The following EPB41L5 variants were observed in gnomAD, a reference collection of about 807,000 sequenced individuals.
EPB41L5 encodes band 4.1-like protein 5.
In EPB41L5, 55 loss-of-function variants were observed where a neutral mutation model predicts 106.6. That is an observed-to-expected ratio of 0.52 (90% CI 0.42 to 0.65). EPB41L5 has a LOEUF of 0.65. EPB41L5 is among the 30% of genes least tolerant of loss of function. The pLI is 0.00. For missense variants in EPB41L5, 871 were observed against 882.1 expected, an observed-to-expected ratio of 0.99 and a Z score of 0.16; for synonymous variants, 297 against 306.7, an observed-to-expected ratio of 0.97 and a Z score of 0.33.
intron 3 of EPB41L5, among the ~76,000 whole-genome samples, chr2:120,048,806 T>TA (rs1680010013): frequency 6.6e-6 from 1 of 152,214 alleles, no homozygotes; most frequent in Non-Finnish European, 1.5e-5. Context: ...TAAATTTTCC[T>TA]CTACTTTATA....
intron 5 of EPB41L5, 85 bp downstream of exon 5, chr2:120,074,263 C>CT: frequency 1.0e-6 from 1 of 995,120 alleles, no homozygotes. Flanking sequence ...TTATAGCCAG[C>CT]TAATAAAATG....
Position 120,088,024 on chromosome 2 carries a change from A to G in EPB41L5, c.873+784A>G, listed in dbSNP as rs1340588975. Among the ~76,000 whole-genome samples the G allele has an allele frequency of 3.3e-5, 5 of 152,100 alleles. 1 individual carries two copies. Among genetic ancestry groups the G allele is most frequent in the Middle Eastern group, 6.3e-3 (2 of 316 alleles). Reference sequence around the variant, plus strand: ...AGAAGAATTTTACTTTATGCAAATTAATAAATTTTAACATATGCATACAGA... The same window carrying G: ...AGAAGAATTTTACTTTATGCAAATTGATAAATTTTAACATATGCATACAGA... On this transcript the variant is annotated intron_variant, in intron 11 of 24. Coordinates refer to ENST00000263713, the MANE Select transcript of EPB41L5 (RefSeq NM_020909.4).
chr2:120,056,276 A>AT (rs1226139733), intron 3 of EPB41L5, among the ~76,000 whole-genome samples: 1 of 150,420 alleles, frequency 6.6e-6, no homozygotes, highest in Admixed American at 6.6e-5. Context: ...AATTTTTGGG[A>AT]TAAATCCCAC....
At chr2:120,052,829 CGAATACCAT>C (rs2105253994) in intron 3 of EPB41L5, among the ~76,000 whole-genome samples, 1 of 152,306 alleles carries the variant, frequency 6.6e-6, no homozygotes, top group Admixed American at 6.5e-5. Context: ...ATCTCTCTCT[CGAATACCAT>C]GAATACCATA....
chr2:120,116,226 T>C (rs1301185587), intron 16 of EPB41L5, among the ~76,000 whole-genome samples: 1 of 152,220 alleles, frequency 6.6e-6, no homozygotes, highest in Non-Finnish European at 1.5e-5. Context: ...TCTCCCACTT[T>C]GTGCTGTTTT....
chr2:120,169,432 CAAAGATCTTTT>C (rs1218178943), intron 24 of EPB41L5, among the ~76,000 whole-genome samples: 3 of 152,142 alleles, frequency 2.0e-5, no homozygotes, highest in African/African-American at 7.2e-5. Flanking sequence ...TTAGAATAGA[CAAAGATCTTTT>C]AAACAGCTCA....
intron 3 of EPB41L5, among the ~76,000 whole-genome samples, chr2:120,066,429 GTAAT>G (rs1301960922): frequency 1.3e-5 from 2 of 152,120 alleles, no homozygotes; most frequent in Non-Finnish European, 2.9e-5. Context: ...AACAATGTAA[GTAAT>G]TTTTCAAATT....
At chr2:120,075,075 G>T (rs748722919) in intron 5 of EPB41L5, among the ~76,000 whole-genome samples, 1 of 152,100 alleles carries the variant, frequency 6.6e-6, no homozygotes, top group African/African-American at 2.4e-5. Context: ...TGATCCACCC[G>T]CCTCGCCCTC....
At chr2:120,072,876 C>G (rs1681970701) in intron 3 of EPB41L5, among the ~76,000 whole-genome samples, 1 of 151,546 alleles carries the variant, frequency 6.6e-6, no homozygotes, top group Non-Finnish European at 1.5e-5. Context: ...CATGTGTATA[C>G]TTACGTAACA....
intron 2 of EPB41L5, among the ~76,000 whole-genome samples, chr2:120,026,022 A>G (rs1678286705): frequency 6.6e-6 from 1 of 152,202 alleles, no homozygotes; most frequent in Non-Finnish European, 1.5e-5. Context: ...CCAAGATGTT[A>G]AAAAGAATAG....
intron 2 of EPB41L5, among the ~76,000 whole-genome samples, chr2:120,037,482 G>A (rs545048084): frequency 6.6e-6 from 1 of 152,286 alleles, no homozygotes; most frequent in East Asian, 1.9e-4. Context: ...AGGACTCACA[G>A]TTCCTGATTT....
At chr2:120,069,768 A>G (rs775000612) in intron 3 of EPB41L5, among the ~76,000 whole-genome samples, 5 of 152,228 alleles carry the variant, frequency 3.3e-5, no homozygotes, top group Admixed American at 6.5e-5. Context: ...TTTGAAACCA[A>G]TGAGATCAAA....
intron 16 of EPB41L5, among the ~76,000 whole-genome samples, chr2:120,125,729 G>C (rs771823543): frequency 2.5e-4 from 38 of 152,250 alleles, no homozygotes; most frequent in Middle Eastern, 3.4e-3. Context: ...TTTATGGCCT[G>C]ATGTGGTGCT....
At chr2:120,075,656 G>A (rs374875952) in intron 6 of EPB41L5, 45 bp from the exon 7 acceptor site, 7 of 1,519,984 alleles carry the variant, frequency 4.6e-6, no homozygotes, top group East Asian at 4.5e-5. Context: ...TTAAAATGAA[G>A]GTTATGAAAT....
intron 2 of EPB41L5, among the ~76,000 whole-genome samples, chr2:120,040,406 T>C (rs1679329263): frequency 6.6e-6 from 1 of 152,178 alleles, no homozygotes; most frequent in Non-Finnish European, 1.5e-5. Context: ...TAAATTTTTT[T>C]TGAGTATGGA....
intron 16 of EPB41L5, chr2:120,108,319 T>C (rs1684566527): frequency 6.6e-6 from 1 of 152,172 alleles, no homozygotes; most frequent in Non-Finnish European, 1.5e-5. Context: ...ATGTACCTCC[T>C]CATAAAAACA....
chr2:120,090,476 C>T lies in EPB41L5; in HGVS notation c.1003C>T (p.Arg335Ter). Reference protein sequence around the residue: ...LRGPVQKSSHRSGFIRLGSRF... With the variant: ...LRGPVQKSSH ...AGGCCCCGTCCAAAAGAGTTCTCAT[C>T]GATCAGGATTTATTCGACTAGGATC... Residue 335 changes from arginine (R) to a stop codon, truncating the protein, a stop_gained, in exon 12 of 25, where the codon CGA (arginine) becomes TGA (stop). Transcript: ENST00000263713. LOFTEE classifies it high-confidence loss of function. The T allele has an allele frequency of 6.2e-7, 1 of 1,613,592 alleles. No homozygotes were observed. Among genetic ancestry groups the T allele is most frequent in the East Asian group, 2.2e-5 (1 of 44,860 alleles).
intron 16 of EPB41L5, among the ~76,000 whole-genome samples, chr2:120,126,129 A>C (rs1685451873): frequency 1.3e-5 from 2 of 152,128 alleles, no homozygotes; most frequent in African/African-American, 4.8e-5. Context: ...ACTATAACTT[A>C]ATATAGTAAG....
chr2:120,119,016 A>G (rs2105443632), intron 16 of EPB41L5, among the ~76,000 whole-genome samples: 1 of 152,236 alleles, frequency 6.6e-6, no homozygotes, highest in African/African-American at 2.4e-5. Flanking sequence ...TGACTTTTTA[A>G]TAATAGCCTT....
Sources: gnomAD v4.1 joint callset for allele counts (sites outside exome capture counted in the v4.1 genomes callset) on GRCh38, gnomAD v4.1.1 for gene constraint, MANE v1.5 for transcripts, NCBI Gene and HGNC (gene_info 2026-07-23, HGNC 2026-07-21) for gene names.